The following IFRD1 variants were observed in gnomAD, a reference collection of about 807,000 sequenced individuals.
IFRD1 encodes the protein interferon related developmental regulator 1, also known as interferon-related developmental regulator 1.
A neutral mutation model predicts 52.9 loss-of-function variants in IFRD1; 35 were observed. The ratio of observed to expected loss-of-function variants is 0.66; its 90% CI spans 0.51 to 0.88. The LOEUF (loss-of-function observed/expected upper bound fraction) is 0.88, where lower values mean the gene tolerates loss of function less well. Among genes scored for constraint, IFRD1 ranks in the 40% least tolerant of loss-of-function variants. The probability of loss-of-function intolerance (pLI) is 0.00; values close to 1 mark genes in which losing one functional copy is unlikely to be tolerated. For missense variants in IFRD1, 517 were observed against 550.8 expected (o/e 0.94, Z 0.61); for synonymous variants, 184 against 188.4 (o/e 0.98, Z 0.19).
chr7:112,450,610 A>G lies in IFRD1; in HGVS notation c.-79A>G. 1.7e-6 allele frequency: 2 copies of G among 1,156,216 alleles called. No individual in the cohort carries two copies. Among genetic ancestry groups the G allele is most frequent in the Non-Finnish European group, 2.6e-6 (2 of 768,238 alleles). 71.6% of individuals were successfully genotyped at this position (1,156,216 alleles called of 1,614,324 possible). On this transcript the variant is annotated 5_prime_UTR_variant, in exon 1 of 12. Transcript: ENST00000403825. ...CTCGCCTCTCAGCCGCCCGCCGCAC[A>G]GACGCACGAGTAAAAAGTGCAGCTC...
chr7:112,468,521 A>T (rs767711464), intron 9 of IFRD1, among the ~76,000 whole-genome samples: 1 of 152,164 alleles, frequency 6.6e-6, no homozygotes, highest in African/African-American at 2.4e-5. Flanking sequence ...TTTATTTGAG[A>T]TGGAGTCTCG....
chr7:112,463,694 T>G (rs1436730013), intron 8 of IFRD1, among the ~76,000 whole-genome samples: 1 of 152,130 alleles, frequency 6.6e-6, no homozygotes, highest in African/African-American at 2.4e-5. Flanking sequence ...TGGCCAGAAA[T>G]GGCAGTTTCT....
chr7:112,462,439 C>T, intron 8 of IFRD1, 61 bp downstream of exon 8: 1 of 1,137,248 alleles, frequency 8.8e-7, no homozygotes, highest in South Asian at 1.2e-5. Flanking sequence ...TCCATCATTA[C>T]CTTGCAATTG....
intron 8 of IFRD1, among the ~76,000 whole-genome samples, chr7:112,463,890 ACACACC>A (rs1319634312): frequency 4.5e-5 from 1 of 22,074 alleles, no homozygotes; most frequent in Non-Finnish European, 1.2e-4. Context: ...ACACACACAC[ACACACC>A]CCACGTATCT....
At chr7:112,433,922 C>G (rs1044042938) in intron 1 of IFRD1, among the ~76,000 whole-genome samples, 2 of 152,206 alleles carry the variant, frequency 1.3e-5, no homozygotes, top group Admixed American at 6.5e-5. Flanking sequence ...CCAGCTCAAG[C>G]TATCCTCCCA....
chr7:112,436,294 G>A (rs947390408), intron 1 of IFRD1, among the ~76,000 whole-genome samples: 18 of 152,134 alleles, frequency 1.2e-4, no homozygotes, highest in African/African-American at 4.1e-4. Flanking sequence ...CAAGGAACAC[G>A]TTTTAACTAT....
At chr7:112,467,028 G>A (rs1366600388) in intron 8 of IFRD1, among the ~76,000 whole-genome samples, 3 of 152,274 alleles carry the variant, frequency 2.0e-5, no homozygotes, top group East Asian at 1.9e-4. Flanking sequence ...ATGACAAGAA[G>A]ATATTTATGT....
intron 1 of IFRD1, among the ~76,000 whole-genome samples, chr7:112,442,508 G>A (rs1364474661): frequency 6.6e-6 from 1 of 152,240 alleles, no homozygotes; most frequent in African/African-American, 2.4e-5. Flanking sequence ...CTGCTGCTAG[G>A]TGACTTGCTC....
intron 1 of IFRD1, among the ~76,000 whole-genome samples, chr7:112,432,510 A>G (rs564638571): frequency 7.9e-5 from 12 of 152,386 alleles, no homozygotes; most frequent in African/African-American, 2.9e-4. Flanking sequence ...TACAAAGAAC[A>G]TGCTAAGCAC....
chr7:112,450,796 C>T lies in IFRD1; in HGVS notation c.94+14C>T. The T allele has an allele frequency of 1.3e-6, 2 of 1,591,468 alleles. No homozygotes were observed. The highest frequency in any genetic ancestry group is 1.7e-6 in the Non-Finnish European group (2 of 1,161,014). ...CGGCGACAGCAGGTAAGGGGTATCC[C>T]CGCCGCCGGCATCCCAGTTGCCGGC... On this transcript the variant is annotated intron_variant, in intron 1 of 11. Coordinates refer to ENST00000403825, the MANE Select transcript of IFRD1 (RefSeq NM_001550.4).
chr7:112,445,204 C>T (rs922751878), intron 1 of IFRD1, among the ~76,000 whole-genome samples: 11 of 151,686 alleles, frequency 7.3e-5, no homozygotes, highest in Non-Finnish European at 1.5e-4. Flanking sequence ...GTAGCTGGGA[C>T]TACAGGCGCC....
In IFRD1 at chr7:112,472,859, A is replaced by G. The variant is rs1436949755; in HGVS notation, c.1264A>G (p.Arg422Gly). The G allele has an allele frequency of 6.2e-7, 1 of 1,608,500 alleles. No individual in the cohort carries two copies. Among genetic ancestry groups the G allele is most frequent in the East Asian group, 2.2e-5 (1 of 44,846 alleles). The change falls in exon 11 of 12, where the codon AGG (arginine) becomes GGG (glycine). Residue 422 changes from arginine (R) to glycine (G), a missense_variant and splice_region_variant. Transcript: ENST00000403825. ...LKTMKISRFE[R>G]HLYNSAAFKA... ...AACGATGAAGATTTCTCGTTTCGAA[A>G]GGGTAGGTTTTGTTTTTATTTTTAA...
chr7:112,452,469 G>C, intron 1 of IFRD1: 1 of 982,082 alleles, frequency 1.0e-6, no homozygotes, highest in Non-Finnish European at 1.2e-6. Flanking sequence ...CTGTGTTTCA[G>C]CTTTTCCTCA....
intron 11 of IFRD1, among the ~76,000 whole-genome samples, chr7:112,475,118 C>G (rs1236798504): frequency 6.6e-6 from 1 of 152,126 alleles, no homozygotes; most frequent in Non-Finnish European, 1.5e-5. Context: ...GCCACCATGC[C>G]TGGCTAATTT....
At chr7:112,435,889 GT>G (rs1380314268) in intron 1 of IFRD1, among the ~76,000 whole-genome samples, 1 of 108,068 alleles carries the variant, frequency 9.3e-6, no homozygotes, top group African/African-American at 3.4e-5. Context: ...TTTTTTTTTT[GT>G]TTTTGTTTTT....
rs768595118 is a variant in IFRD1 at position 112,468,110 on chromosome 7, G to C, written c.1036G>C (p.Val346Leu). ...AGTTTTCAGAGATGTCCTGAGGGCA[G>C]TGGAGGTAGGCTTCTTAAATGCTGT... ...RSVFRDVLRA[V>L]EERDFPTETI... The change falls in exon 9 of 12, where the codon GTG (valine) becomes CTG (leucine). Residue 346 changes from valine to leucine, a missense_variant. Physicochemically the swap from Val to Leu is conservative, Grantham distance 32 (BLOSUM62 1). Transcript: ENST00000403825. 3 of 1,613,856 alleles carry C rather than the reference G, an allele frequency of 1.9e-6. No individual in the cohort carries two copies. Among genetic ancestry groups the C allele is most frequent in the Non-Finnish European group, 1.7e-6 (2 of 1,179,906 alleles).
chr7:112,447,497 C>T (rs1023295694), upstream of IFRD1, among the ~76,000 whole-genome samples: 5 of 152,138 alleles, frequency 3.3e-5, no homozygotes, highest in African/African-American at 7.2e-5. Context: ...TGAGCCCAAC[C>T]GAAAATACTT....
At position 112,467,965 on chromosome 7, in the gene IFRD1, T is replaced by A; in HGVS notation, c.907-16T>A. On this transcript the variant is annotated splice_polypyrimidine_tract_variant and intron_variant, in intron 8 of 11. Coordinates refer to ENST00000403825, the MANE Select transcript of IFRD1 (RefSeq NM_001550.4). ...AAAATAATAATAAAGGAAACAAAAT[T>A]GCTTTTCTTGTCCAGGACTTTTTTT... 6.2e-7 allele frequency: 1 copy of A among 1,612,724 alleles called. No homozygotes were observed. The highest frequency in any genetic ancestry group is 1.3e-5 in the African/African-American group (1 of 75,024).
chr7:112,473,676 T>G (rs1221846109), intron 11 of IFRD1, among the ~76,000 whole-genome samples: 1 of 152,126 alleles, frequency 6.6e-6, no homozygotes, highest in African/African-American at 2.4e-5. Context: ...CCACCCACTT[T>G]GGCCTCCCAA....
Sources: gnomAD v4.1 joint callset for allele counts (sites outside exome capture counted in the v4.1 genomes callset) on GRCh38, gnomAD v4.1.1 for gene constraint, MANE v1.5 for transcripts, NCBI Gene and HGNC (gene_info 2026-07-23, HGNC 2026-07-21) for gene names.